Variants in TMEM45B observed in about 807,000 individuals in gnomAD.
TMEM45B encodes transmembrane protein 45B.
Under a neutral mutation model 27.3 loss-of-function variants are expected in TMEM45B, and 29 were observed. The ratio of observed to expected loss-of-function variants is 1.06; its 90% confidence interval spans 0.79 to 1.45. TMEM45B has a LOEUF of 1.45. Among genes scored for constraint, TMEM45B ranks in the 40% most tolerant of loss-of-function variants. The pLI, the probability that TMEM45B is intolerant of heterozygous loss-of-function variation, is 0.00. For missense variants in TMEM45B, 348 were observed against 343.9 expected, an observed-to-expected ratio of 1.01 and a Z score of -0.09; for synonymous variants, 143 against 134.7, an observed-to-expected ratio of 1.06 and a Z score of -0.43.
At position 129,840,746 on chromosome 11, in the gene TMEM45B, G is replaced by A. The variant is rs558178743; in HGVS notation, c.-8-11729G>A. Among the ~76,000 whole-genome samples the A allele has an allele frequency of 7.2e-5, 11 of 151,748 alleles. No homozygotes were observed. The South Asian group carries it at 8.3e-4, about 12-fold the overall frequency. ...AAAAATACAAAAAAATTAGCTGGGC[G>A]TGGTGGTGCACGCCTGTAATCCCAG... On this transcript the variant is annotated intron_variant, in intron 1 of 5. Transcript: ENST00000281441.
chr11:129,858,923 G>T lies in TMEM45B; in HGVS notation c.*238G>T, dbSNP rs1005341843. The T allele has an allele frequency of 9.0e-5, 22 of 243,706 alleles. No individual in the cohort carries two copies. The highest frequency in any genetic ancestry group is 3.8e-4 in the Admixed American group (7 of 18,490). 15.1% of individuals were successfully genotyped at this position (243,706 alleles called of 1,614,324 possible). A position where few individuals can be genotyped will look rare whatever the true frequency, so the allele number is the denominator to read the frequency against. ...TGTGTTGGTATAGTACCCTTCATAA[G>T]GAAAAATGAAGTAATGCCTATAAGT... On this transcript the variant is annotated 3_prime_UTR_variant, in exon 6 of 6. Coordinates refer to ENST00000281441, the MANE Select transcript of TMEM45B (RefSeq NM_138788.5).
chr11:129,852,664 A>G lies in TMEM45B; in HGVS notation c.178+4A>G, dbSNP rs1947865369. Reference sequence around the variant, plus strand: ...AGGACTTTGTTTTCCGTCACTGGTAAGAGCAGGGGTCATTTGGTCTAGGGA... The same window carrying G: ...AGGACTTTGTTTTCCGTCACTGGTAGGAGCAGGGGTCATTTGGTCTAGGGA... On this transcript the variant is annotated splice_donor_region_variant and intron_variant, in intron 2 of 5. Transcript: ENST00000281441. 1.9e-6 allele frequency: 3 copies of G among 1,595,366 alleles called. No individual in the cohort carries two copies. The highest frequency in any genetic ancestry group is 1.7e-6 in the Non-Finnish European group (2 of 1,164,750).
chr11:129,858,119 A>C (rs954563892), intron 5 of TMEM45B, among the ~76,000 whole-genome samples: 2 of 152,192 alleles, frequency 1.3e-5, no homozygotes, highest in African/African-American at 4.8e-5. Flanking sequence ...TCTCAGTGCA[A>C]GGGTGAATTT....
chr11:129,855,428 T>C (rs1016486175), intron 3 of TMEM45B, among the ~76,000 whole-genome samples: 2 of 152,204 alleles, frequency 1.3e-5, no homozygotes, highest in Non-Finnish European at 1.5e-5. Context: ...ATTTCAAGTA[T>C]ACACACACAG....
chr11:129,839,608 C>T (rs1314425571), intron 1 of TMEM45B, among the ~76,000 whole-genome samples: 4 of 152,214 alleles, frequency 2.6e-5, no homozygotes, highest in African/African-American at 9.6e-5. Flanking sequence ...GGTGCAATCA[C>T]GGCTCACTGC....
chr11:129,857,582 G>A, intron 5 of TMEM45B, 124 bp downstream of exon 5: 3 of 1,105,020 alleles, frequency 2.7e-6, no homozygotes, highest in Non-Finnish European at 3.9e-6. Context: ...CTCATGCAGG[G>A]AAGGTATCAC....
chr11:129,855,077 C>G (rs1000622122), intron 3 of TMEM45B, among the ~76,000 whole-genome samples: 1 of 152,174 alleles, frequency 6.6e-6, no homozygotes, highest in African/African-American at 2.4e-5. Context: ...GAGTCCTCCT[C>G]GCCTTCCCAC....
intron 1 of TMEM45B, among the ~76,000 whole-genome samples, chr11:129,818,779 G>C (rs570532345): frequency 6.6e-6 from 1 of 152,266 alleles, no homozygotes; most frequent in African/African-American, 2.4e-5. Context: ...AAATATCTTA[G>C]AGCTGAGTAT....
At chr11:129,851,208 G>C (rs986821910) in intron 1 of TMEM45B, among the ~76,000 whole-genome samples, 3 of 152,172 alleles carry the variant, frequency 2.0e-5, no homozygotes, top group African/African-American at 7.2e-5. Context: ...TCTGCTCCTA[G>C]TTCAGGAGGG....
chr11:129,854,629 T>G lies in TMEM45B; in HGVS notation c.198T>G (p.Phe66Leu). 2 of 1,614,230 alleles carry G rather than the reference T, an allele frequency of 1.2e-6. No individual in the cohort carries two copies. The highest frequency in any genetic ancestry group is 2.2e-5 in the South Asian group (2 of 91,086). ...FSVTGILAEQ[F>L]VPDGPHLHLY... is the part of the protein sequence containing the mutation. Reference sequence around the variant, plus strand: ...CTGCAGGGATCCTGGCAGAGCAGTTTGTTCCGGATGGGCCCCACCTGCACC... The same window carrying G: ...CTGCAGGGATCCTGGCAGAGCAGTTGGTTCCGGATGGGCCCCACCTGCACC... The change falls in exon 3 of 6, where the codon TTT becomes TTG. Residue 66 changes from phenylalanine (F) to leucine (L), a missense_variant. By Grantham distance (22) the Phe-to-Leu change is conservative. Transcript: ENST00000281441.
Position 129,830,195 on chromosome 11 carries a change from C to T in TMEM45B, c.-9+14297C>T, listed in dbSNP as rs577022785. On this transcript the variant is annotated intron_variant, in intron 1 of 5. Coordinates refer to ENST00000281441, the MANE Select transcript of TMEM45B (RefSeq NM_138788.5). ...ATACAAAATTAGCCAGGTGTGGTGG[C>T]GCATGCCTGTAATCCCAGCTACTCA... Among the ~76,000 whole-genome samples the T allele has an allele frequency of 4.7e-4, 72 of 152,192 alleles. 1 individual carries two copies. In the South Asian group the frequency reaches 0.011, roughly 23 times the overall value.
chr11:129,826,410 G>T lies in TMEM45B; in HGVS notation c.-9+10512G>T, dbSNP rs377466981. ...TAAAAATACAAAAAATTAGCTGGGC[G>T]TGGTGGCGGGTGCCTGTAGTCCCAG... On this transcript the variant is annotated intron_variant, in intron 1 of 5. Coordinates refer to ENST00000281441, the MANE Select transcript of TMEM45B (RefSeq NM_138788.5). Among the ~76,000 whole-genome samples the T allele has an allele frequency of 5.0e-4, 76 of 151,684 alleles. No homozygotes were observed. In the Middle Eastern group the frequency reaches 0.037, roughly 75 times the overall value.
intron 2 of TMEM45B, among the ~76,000 whole-genome samples, chr11:129,854,328 G>A (rs1947889323): frequency 1.3e-5 from 2 of 152,176 alleles, no homozygotes; most frequent in Admixed American, 1.3e-4. Flanking sequence ...CAAACCTCCT[G>A]GGGATCTATG....
In TMEM45B at chr11:129,859,417, A is replaced by G. The variant is rs1019082269; in HGVS notation, c.*732A>G. ...ACAGGAAAGCTGTATAATGAGATAG[A>G]AAAACGTCAGGTATGGAAGGCTTTC... On this transcript the variant is annotated 3_prime_UTR_variant, in exon 6 of 6. Coordinates refer to ENST00000281441, the MANE Select transcript of TMEM45B (RefSeq NM_138788.5). 3 of 152,190 alleles carry G rather than the reference A, an allele frequency of 2.0e-5. No homozygotes were observed. Among genetic ancestry groups the G allele is most frequent in the Non-Finnish European group, 4.4e-5 (3 of 68,040 alleles). 9.4% of individuals were successfully genotyped at this position (152,190 alleles called of 1,614,324 possible).
chr11:129,833,999 AG>A (rs1278015936), intron 1 of TMEM45B, among the ~76,000 whole-genome samples: 1 of 152,240 alleles, frequency 6.6e-6, no homozygotes, highest in Non-Finnish European at 1.5e-5. Context: ...CCTGGCAACC[AG>A]TACAGATTTG....
At chr11:129,847,272 A>G (rs1175000907) in intron 1 of TMEM45B, among the ~76,000 whole-genome samples, 2 of 152,228 alleles carry the variant, frequency 1.3e-5, no homozygotes, top group Non-Finnish European at 2.9e-5. Flanking sequence ...CGGAGGAAAC[A>G]GCTGAAAGGG....
chr11:129,854,339 T>C (rs1947889511), intron 2 of TMEM45B, among the ~76,000 whole-genome samples: 1 of 152,182 alleles, frequency 6.6e-6, no homozygotes. Context: ...GGGATCTATG[T>C]GTGTGTGGTT....
In TMEM45B at chr11:129,841,224, A is replaced by G. The variant is rs138717938; in HGVS notation, c.-8-11251A>G. Among the ~76,000 whole-genome samples, 1,381 of 152,282 alleles carry G rather than the reference A, an allele frequency of 9.1e-3. 14 individuals are homozygous for G. Among genetic ancestry groups the G allele is most frequent in the African/African-American group, 0.031 (1,307 of 41,558 alleles). On this transcript the variant is annotated intron_variant, in intron 1 of 5. Transcript: ENST00000281441. ...TGAAAACTGCCACACAAACAGATTC[A>G]ATTCAGAGCAGTGGCTGGGGGGTTG...
At chr11:129,848,610 G>A (rs1947802051) in intron 1 of TMEM45B, among the ~76,000 whole-genome samples, 1 of 152,180 alleles carries the variant, frequency 6.6e-6, no homozygotes, top group Admixed American at 6.5e-5. Flanking sequence ...AATGTAGCTG[G>A]TGCTAGAGGG....
Sources: gnomAD v4.1 joint callset for allele counts (sites outside exome capture counted in the v4.1 genomes callset) on GRCh38, gnomAD v4.1.1 for gene constraint, MANE v1.5 for transcripts, NCBI Gene and HGNC (gene_info 2026-07-23, HGNC 2026-07-21) for gene names.